RBFOX1: variants seen among roughly 807,000 people sequenced by gnomAD.
The protein encoded by RBFOX1 is RNA binding fox-1 homolog 1.
Under a neutral mutation model 57.7 loss-of-function variants are expected in RBFOX1, and 8 were observed. The ratio of observed to expected loss-of-function variants is 0.14; its 90% confidence interval spans 0.08 to 0.25. The LOEUF (loss-of-function observed/expected upper bound fraction) is 0.25. RBFOX1 is among the 10% of genes least tolerant of loss of function. RBFOX1 has a pLI of 1.00. For synonymous variants in RBFOX1, 326 were observed against 222.4 expected (o/e 1.47, Z -4.15); for missense variants, 611 against 548.5 (o/e 1.11, Z -1.14).
chr16:6,593,997 C>G (rs1280415237), intron 2 of RBFOX1, among the ~76,000 whole-genome samples: 3 of 152,186 alleles, frequency 2.0e-5, no homozygotes, highest in African/African-American at 7.2e-5. Context: ...CAGCCTCCCT[C>G]CGCCCAGTGT....
chr16:5,271,820 G>T (rs930013880), intron 1 of RBFOX1, among the ~76,000 whole-genome samples: 1 of 152,118 alleles, frequency 6.6e-6, no homozygotes, highest in African/African-American at 2.4e-5. Context: ...AACTTCTTTA[G>T]ATTCCACATG....
chr16:6,819,746 G>C lies in RBFOX1; in HGVS notation c.-16+165096G>C, dbSNP rs181646697. ...AAAAAAAAAAATAACAACACCAAAA[G>C]GTATATAGTATAACAGGTATTAAAA... On this transcript the variant is annotated intron_variant, in intron 3 of 15. Coordinates refer to ENST00000550418, the MANE Select transcript of RBFOX1 (RefSeq NM_018723.4). Among the ~76,000 whole-genome samples the C allele has an allele frequency of 4.9e-5, 6 of 121,560 alleles. No individual in the cohort carries two copies. The East Asian group carries it at 1.6e-3, about 32-fold the overall frequency. 79.7% of individuals were successfully genotyped at this position (121,560 alleles called of 152,430 possible). A position where few individuals can be genotyped will look rare whatever the true frequency, so the allele number is the denominator to read the frequency against.
At position 7,676,759 on chromosome 16, in the gene RBFOX1, C is replaced by T. The variant is rs777893773; in HGVS notation, c.931-15C>T. ...TCCGCTACATTCCTGAGTCACATTT[C>T]TCCTTGTGTTTTAGGGTGGTTATGC... On this transcript the variant is annotated splice_polypyrimidine_tract_variant and intron_variant, in intron 13 of 15. Transcript: ENST00000550418. 6.2e-7 allele frequency: 1 copy of T among 1,609,218 alleles called. No individual in the cohort carries two copies. Among genetic ancestry groups the T allele is most frequent in the Non-Finnish European group, 8.5e-7 (1 of 1,176,436 alleles).
At chr16:6,162,129 G>C (rs1275070514) in intron 1 of RBFOX1, among the ~76,000 whole-genome samples, 1 of 152,142 alleles carries the variant, frequency 6.6e-6, no homozygotes, top group African/African-American at 2.4e-5. Context: ...TTAATTGTTT[G>C]GTTTTGGAGA....
At chr16:6,202,739 A>C (rs2097222918) in intron 1 of RBFOX1, among the ~76,000 whole-genome samples, 1 of 152,110 alleles carries the variant, frequency 6.6e-6, no homozygotes, top group Non-Finnish European at 1.5e-5. Flanking sequence ...TCACCTCCAA[A>C]AGCCTCCTCC....
At chr16:7,560,010 T>A (rs769729689) in intron 5 of RBFOX1, among the ~76,000 whole-genome samples, 2 of 152,218 alleles carry the variant, frequency 1.3e-5, no homozygotes, top group Non-Finnish European at 2.9e-5. Flanking sequence ...GAAGGTTATT[T>A]TAAAAGATTT....
rs776623035 is a variant in RBFOX1, at chr16:5,856,604, T to TATATATATATATATATATATATATAA, written c.319-10698_319-10697insTATATATATATATATATATATATAAA. ...ATATATATATATATATATATATATA[T>TATATATATATATATATATATATATAA]AATCTTAGCCAGATCTTCTGGATAA... On this transcript the variant is annotated intron_variant, in intron 3 of 19. Coordinates refer to the RBFOX1 transcript ENST00000641259. Among the ~76,000 whole-genome samples, 84 of 68,034 alleles carry TATATATATATATATATATATATATAA rather than the reference T, an allele frequency of 1.2e-3. 10 individuals carry two copies. Among genetic ancestry groups the TATATATATATATATATATATATATAA allele is most frequent in the Admixed American group, 2.0e-3 (11 of 5,438 alleles). 44.6% of individuals were successfully genotyped at this position (68,034 alleles called of 152,430 possible). A position where few individuals can be genotyped will look rare whatever the true frequency, so the allele number is the denominator to read the frequency against.
chr16:6,673,684 A>G (rs930773749), intron 3 of RBFOX1, among the ~76,000 whole-genome samples: 4 of 152,168 alleles, frequency 2.6e-5, no homozygotes, highest in Non-Finnish European at 5.9e-5. Context: ...CAGCTTCATG[A>G]TGGGTTCTGT....
At chr16:7,072,802 A>G (rs78721201) in intron 4 of RBFOX1, among the ~76,000 whole-genome samples, 3,369 of 152,340 alleles carry the variant, frequency 0.022, 54 homozygotes, top group Non-Finnish European at 0.028. Flanking sequence ...TGTGAGATGA[A>G]GCTACCGTTG....
chr16:5,995,422 A>G (rs1596366465), intron 4 of RBFOX1, among the ~76,000 whole-genome samples: 1 of 152,172 alleles, frequency 6.6e-6, no homozygotes, highest in Non-Finnish European at 1.5e-5. Flanking sequence ...GAAGAGCATG[A>G]TGGTAAGTGC....
intron 4 of RBFOX1, among the ~76,000 whole-genome samples, chr16:7,465,347 A>C (rs1303454216): frequency 6.6e-6 from 1 of 152,182 alleles, no homozygotes; most frequent in Non-Finnish European, 1.5e-5. Context: ...ACAAATCTGT[A>C]GGCGCCATAA....
intron 3 of RBFOX1, among the ~76,000 whole-genome samples, chr16:5,832,603 C>A (rs540573793): frequency 6.6e-6 from 1 of 152,332 alleles, no homozygotes; most frequent in South Asian, 2.1e-4. Flanking sequence ...ACTGCAATTA[C>A]ACCTATTTGA....
At chr16:6,309,483 T>C (rs1261920849) in intron 1 of RBFOX1, among the ~76,000 whole-genome samples, 2 of 152,100 alleles carry the variant, frequency 1.3e-5, no homozygotes, top group African/African-American at 4.8e-5. Flanking sequence ...CAGACACAAT[T>C]ATTGCTGACA....
intron 2 of RBFOX1, among the ~76,000 whole-genome samples, chr16:6,592,404 T>C (rs7191881): frequency 0.028 from 4,246 of 152,308 alleles, 191 homozygotes; most frequent in African/African-American, 0.096. Flanking sequence ...ATATTTTGTT[T>C]CATAATACAG....
chr16:6,852,005 A>C (rs1384495699), intron 3 of RBFOX1, among the ~76,000 whole-genome samples: 1 of 145,644 alleles, frequency 6.9e-6, no homozygotes, highest in Non-Finnish European at 1.5e-5. Flanking sequence ...GGCTCACTGC[A>C]AGCTCCATCT....
At chr16:6,245,596 A>G (rs1224245110) in intron 1 of RBFOX1, among the ~76,000 whole-genome samples, 1 of 152,178 alleles carries the variant, frequency 6.6e-6, no homozygotes, top group Non-Finnish European at 1.5e-5. Flanking sequence ...ACACACTAAT[A>G]ATAATACAAA....
At chr16:7,106,518 G>C (rs950211256) in intron 4 of RBFOX1, among the ~76,000 whole-genome samples, 12 of 152,134 alleles carry the variant, frequency 7.9e-5, no homozygotes, top group African/African-American at 2.9e-4. Context: ...CATTAATTCT[G>C]CACTACTTGT....
chr16:5,343,665 T>C (rs1392090930), intron 1 of RBFOX1, among the ~76,000 whole-genome samples: 1 of 152,186 alleles, frequency 6.6e-6, no homozygotes, highest in Non-Finnish European at 1.5e-5. Flanking sequence ...GAAGAATCCC[T>C]CTGATACGAA....
chr16:7,010,019 A>G (rs927708792), intron 3 of RBFOX1, among the ~76,000 whole-genome samples: 43 of 144,036 alleles, frequency 3.0e-4, no homozygotes, highest in Middle Eastern at 3.5e-3. Flanking sequence ...ATAGAAGCTC[A>G]GAGAACTCTT....
Sources: allele counts gnomAD v4.1 joint callset (sites outside exome capture counted in the v4.1 genomes callset), GRCh38; gene constraint gnomAD v4.1.1; transcripts MANE v1.5; gene names NCBI Gene and HGNC (gene_info 2026-07-23, HGNC 2026-07-21).